Variants in PIK3R6 observed in about 807,000 individuals in gnomAD.
PIK3R6 encodes the protein phosphoinositide-3-kinase regulatory subunit 6.
A neutral mutation model predicts 84.9 loss-of-function variants in PIK3R6; 91 were observed. The observed-to-expected ratio is 1.07, with a 90% CI of 0.90 to 1.28. PIK3R6 has a LOEUF of 1.28. Among genes scored for constraint, PIK3R6 ranks in the 50% most tolerant of loss-of-function variants. The pLI, the probability that PIK3R6 is intolerant of heterozygous loss-of-function variation, is 0.00. For missense variants in PIK3R6, 996 were observed against 985.1 expected (o/e 1.01, Z -0.15); for synonymous variants, 416 against 411.4 (o/e 1.01, Z -0.13).
intron 1 of PIK3R6, among the ~76,000 whole-genome samples, chr17:8,860,940 T>C (rs765120379): frequency 8.5e-5 from 13 of 152,154 alleles, no homozygotes; most frequent in Non-Finnish European, 1.8e-4. Context: ...GTCACGCCTG[T>C]AATCACAGCA....
Position 8,822,570 on chromosome 17 carries a change from C to G in PIK3R6, c.1788+17G>C. 6.2e-7 allele frequency: 1 copy of G among 1,613,642 alleles called. No homozygotes were observed. Among genetic ancestry groups the G allele is most frequent in the Non-Finnish European group, 8.5e-7 (1 of 1,179,564 alleles). The stretch of plus-strand genomic sequence containing the variant: ...GTACCTCTTGGCTACCTACTGACCA[C>G]GTCCATGCACACTGACCTTCTGGTA... On this transcript the variant is annotated intron_variant, in intron 16 of 19. Transcript: ENST00000619866.
At position 8,854,741 on chromosome 17, in the gene PIK3R6, A is replaced by T. The variant is rs549941404; in HGVS notation, c.-91-4856T>A. Among the ~76,000 whole-genome samples the T allele has an allele frequency of 3.3e-5, 5 of 152,364 alleles. No individual in the cohort carries two copies. The South Asian group carries it at 6.2e-4, about 19-fold the overall frequency. ...TTGAATGTAAAATTCAAAACAATAA[A>T]CTTTTAGAAGAAAGCATAGGAAAAA... On this transcript the variant is annotated intron_variant, in intron 1 of 19. Transcript: ENST00000619866.
intron 1 of PIK3R6, among the ~76,000 whole-genome samples, chr17:8,865,353 G>A (rs1314416125): frequency 6.6e-6 from 1 of 152,172 alleles, no homozygotes; most frequent in Non-Finnish European, 1.5e-5. Flanking sequence ...TAAAGCCTGG[G>A]CAGAAAAGAT....
chr17:8,818,079 A>G (rs946640656), intron 18 of PIK3R6, among the ~76,000 whole-genome samples: 1 of 152,204 alleles, frequency 6.6e-6, no homozygotes, highest in Non-Finnish European at 1.5e-5. Context: ...AGTGATCCCA[A>G]GGATCCGCGT....
intron 2 of PIK3R6, among the ~76,000 whole-genome samples, chr17:8,843,529 C>A (rs1204739477): frequency 6.6e-6 from 1 of 151,924 alleles, no homozygotes. Context: ...CCTGGGAGAC[C>A]ACTTCAAATA....
rs1412202007 is a variant in PIK3R6 at position 8,823,482 on chromosome 17, T to C, written c.1531A>G (p.Thr511Ala). 3 of 1,610,930 alleles carry C rather than the reference T, an allele frequency of 1.9e-6. No individual in the cohort carries two copies. The African/African-American group carries it at 4.0e-5, about 22-fold the overall frequency. The change falls in exon 14 of 20, where the codon ACA (threonine) becomes GCA (alanine). Residue 511 changes from threonine to alanine, a missense_variant. Transcript: ENST00000619866. ...ATGAAGGGGTCCACAGTCCGGGATGTGTCCAGGGAAGGAGGCTGTGATGGA... is the reference window on the plus strand; with the variant it reads ...ATGAAGGGGTCCACAGTCCGGGATGCGTCCAGGGAAGGAGGCTGTGATGGA... Reference protein sequence around the residue: ...KLAEMPPSLDTSRTVDPFILD... With the variant: ...KLAEMPPSLDASRTVDPFILD...
At position 8,821,904 on chromosome 17, in the gene PIK3R6, G is replaced by A. The variant is rs1178276010; in HGVS notation, c.1821C>T (p.Thr607=). Residue 607 remains threonine (T), a synonymous_variant, in exon 17 of 20, where the codon ACC becomes ACT. Transcript: ENST00000619866. Reference sequence around the variant, plus strand: ...TCAGCCCAGTGGCCCGCAGGGAAACGGTGACCTCTCGGGGCCGGTGGCTAA... The same window carrying A: ...TCAGCCCAGTGGCCCGCAGGGAAACAGTGACCTCTCGGGGCCGGTGGCTAA... ...ALLSHRPREV[T]VSLRATGLIL... 5 of 1,593,794 alleles carry A rather than the reference G, an allele frequency of 3.1e-6. No homozygotes were observed. The South Asian group carries it at 3.4e-5, about 11-fold the overall frequency.
In PIK3R6 at chr17:8,829,000, G is replaced by C. The variant is rs2088062325; in HGVS notation, c.890-10C>G. The C allele has an allele frequency of 6.7e-7, 1 of 1,494,330 alleles. No homozygotes were observed. The highest frequency in any genetic ancestry group is 1.4e-5 in the African/African-American group (1 of 70,458). 92.6% of individuals were successfully genotyped at this position (1,494,330 alleles called of 1,614,324 possible). ...AGCACCAGTTCCTTCCCTGGGGTGG[G>C]GGAACAAGGGCGGTGAGGACACGTG... is the stretch of plus-strand genomic sequence containing the variant. On this transcript the variant is annotated splice_polypyrimidine_tract_variant and intron_variant, in intron 10 of 19. Transcript: ENST00000619866.
Position 8,837,824 on chromosome 17 carries a change from A to G in PIK3R6, c.237T>C (p.Thr79=), listed in dbSNP as rs371037733. 7.4e-6 allele frequency: 12 copies of G among 1,613,794 alleles called. No individual in the cohort carries two copies. The highest frequency in any genetic ancestry group is 1.0e-5 in the Non-Finnish European group (12 of 1,179,820). Residue 79 remains threonine (T), a synonymous_variant, in exon 5 of 20, where the codon ACT becomes ACC. Coordinates refer to ENST00000619866, the MANE Select transcript of PIK3R6 (RefSeq NM_001010855.4). The part of the protein sequence containing the change: ...LRHVIIPLLH[T]VMYVLTKATG... ...TCACCTTGGTGAGCACGTACATTAC[A>G]GTGTGCAGCAAGGGAATGATGACAT...
Position 8,863,298 on chromosome 17 carries a change from A to G in PIK3R6, c.-92+4231T>C, listed in dbSNP as rs535861051. Among the ~76,000 whole-genome samples, 14 of 152,324 alleles carry G rather than the reference A, an allele frequency of 9.2e-5. No homozygotes were observed. The South Asian group carries it at 2.1e-3, about 23-fold the overall frequency. ...CAAAGTGATATTATGATAGACGTAT[A>G]TAATGTGGAGTGATGAAATAAGGCT... On this transcript the variant is annotated intron_variant, in intron 1 of 19. Coordinates refer to ENST00000619866, the MANE Select transcript of PIK3R6 (RefSeq NM_001010855.4).
At position 8,823,261 on chromosome 17, in the gene PIK3R6, C is replaced by T. The variant is rs878869535; in HGVS notation, c.1626+126G>A. On this transcript the variant is annotated intron_variant, in intron 14 of 19. Coordinates refer to ENST00000619866, the MANE Select transcript of PIK3R6 (RefSeq NM_001010855.4). ...ATTCATTTAGAGATGAAGAAGGTAA[C>T]GTTAATAACCAAGAGCGTCTGGGTG... 65 of 816,920 alleles carry T rather than the reference C, an allele frequency of 8.0e-5. 1 individual carries two copies. Among genetic ancestry groups the T allele is most frequent in the South Asian group, 4.6e-4 (27 of 58,712 alleles). 50.6% of individuals were successfully genotyped at this position (816,920 alleles called of 1,614,324 possible).
intron 17 of PIK3R6, among the ~76,000 whole-genome samples, chr17:8,819,671 C>CATATAT (rs148918327): frequency 0.062 from 8,291 of 133,216 alleles, 596 homozygotes; most frequent in East Asian, 0.22. Flanking sequence ...TTTTTTTGTG[C>CATATAT]ATATATATAT....
chr17:8,851,669 C>G (rs1341761358), intron 1 of PIK3R6, among the ~76,000 whole-genome samples: 2 of 152,178 alleles, frequency 1.3e-5, no homozygotes, highest in South Asian at 2.1e-4. Flanking sequence ...GGTGGGAATT[C>G]AACATGGCAT....
chr17:8,807,211 A>C (rs911608296), intron 18 of PIK3R6, among the ~76,000 whole-genome samples: 1 of 152,180 alleles, frequency 6.6e-6, no homozygotes. Context: ...ACTCTCCTAC[A>C]GTGGATAGGC....
chr17:8,837,957 A>C, intron 4 of PIK3R6, 86 bp from the exon 5 acceptor site: 1 of 1,212,444 alleles, frequency 8.2e-7, no homozygotes, highest in Non-Finnish European at 1.2e-6. Flanking sequence ...GGGAGTGGGC[A>C]GGAGATGGGG....
rs570781222 is a variant in PIK3R6, at chr17:8,837,001, G to A, written c.259-78C>T. ...GAGGAGGGGGAGGTGAAGGGTCCCG[G>A]GGGAGTTTCCGGGGAGGGGCTTGGG... On this transcript the variant is annotated intron_variant, in intron 5 of 19. Transcript: ENST00000619866. 57 of 1,091,558 alleles carry A rather than the reference G, an allele frequency of 5.2e-5. 1 individual carries two copies. In the South Asian group the frequency reaches 7.8e-4, roughly 15 times the overall value. The allele number at this position is 1,091,558 out of a possible 1,614,324, so 67.6% of individuals were successfully genotyped here.
At chr17:8,804,349 G>A (rs1214350585) in intron 18 of PIK3R6, among the ~76,000 whole-genome samples, 196 bp from the exon 19 acceptor site, 2 of 152,096 alleles carry the variant, frequency 1.3e-5, no homozygotes, top group African/African-American at 4.8e-5. Flanking sequence ...ATCTCACATC[G>A]TTCTTCCAGT....
chr17:8,847,962 C>T (rs969521834), intron 2 of PIK3R6, among the ~76,000 whole-genome samples: 1 of 152,208 alleles, frequency 6.6e-6, no homozygotes, highest in Non-Finnish European at 1.5e-5. Context: ...CTGCTTATTG[C>T]AGTCTTGGTG....
chr17:8,841,167 C>G (rs1422885308), intron 2 of PIK3R6, among the ~76,000 whole-genome samples: 2 of 151,926 alleles, frequency 1.3e-5, no homozygotes, highest in African/African-American at 2.4e-5. Context: ...GTCTCCACCC[C>G]CCGCCCCAAG....
Sources: gnomAD v4.1 joint callset for allele counts (sites outside exome capture counted in the v4.1 genomes callset) on GRCh38, gnomAD v4.1.1 for gene constraint, MANE v1.5 for transcripts, NCBI Gene and HGNC (gene_info 2026-07-23, HGNC 2026-07-21) for gene names.